The following NOL8 variants were observed in gnomAD, a reference collection of about 807,000 sequenced individuals.
NOL8 encodes nucleolar protein 8.
NOL8 carries 93 observed loss-of-function variants against 116.1 expected under a neutral mutation model. That is an observed-to-expected ratio of 0.80 (90% CI 0.68 to 0.95). The LOEUF is 0.95. Among genes scored for constraint, NOL8 ranks in the 40% least tolerant of loss-of-function variants. The pLI is 0.00. For synonymous variants in NOL8, 419 were observed against 469.0 expected, an observed-to-expected ratio of 0.89 and a Z score of 1.38; for missense variants, 1,291 against 1,382.8, an observed-to-expected ratio of 0.93 and a Z score of 1.05.
At chr9:92,313,537 C>T (rs957049312) in intron 7 of NOL8, among the ~76,000 whole-genome samples, 3 of 152,148 alleles carry the variant, frequency 2.0e-5, no homozygotes, top group African/African-American at 7.2e-5. Context: ...GCTTAAAATT[C>T]TTCACTCTCT....
chr9:92,314,153 GA>G, intron 7 of NOL8, 113 bp downstream of exon 7: 1 of 1,351,458 alleles, frequency 7.4e-7, no homozygotes. Context: ...ACCAAAACAT[GA>G]AACTGGTGAA....
chr9:92,302,226 G>GT (rs1176702086), intron 12 of NOL8, among the ~76,000 whole-genome samples: 2 of 152,164 alleles, frequency 1.3e-5, no homozygotes, highest in Non-Finnish European at 2.9e-5. Flanking sequence ...AATTTTACCA[G>GT]TAACTGGTAA....
chr9:92,324,886 T>C (rs1840320090), intron 1 of NOL8: 1 of 152,196 alleles, frequency 6.6e-6, no homozygotes, highest in Non-Finnish European at 1.5e-5. Flanking sequence ...AGAGGTTAAG[T>C]CACTTCCTCA....
Position 92,300,017 on chromosome 9 carries a change from C to G in NOL8, c.3176-1G>C. 2 of 1,612,306 alleles carry G rather than the reference C, an allele frequency of 1.2e-6. No homozygotes were observed. Among genetic ancestry groups the G allele is most frequent in the Non-Finnish European group, 1.7e-6 (2 of 1,178,948 alleles). ...TTCACTGTTTCAACTCTGTAGGTCT[C>G]TATATCGTTATGACAACAAAAGATG... On this transcript the variant is annotated splice_acceptor_variant, in intron 13 of 16. Coordinates refer to ENST00000442668, the MANE Select transcript of NOL8 (RefSeq NM_017948.6). LOFTEE classifies it high-confidence loss of function.
intron 8 of NOL8, 34 bp downstream of exon 8, chr9:92,311,112 A>C: frequency 2.0e-6 from 3 of 1,496,518 alleles, no homozygotes; most frequent in Non-Finnish European, 2.8e-6. Context: ...GCAGAAGTAG[A>C]TGAATGTCCA....
chr9:92,324,149 T>C lies in NOL8; in HGVS notation c.13A>G (p.Arg5Gly). MKVN[R>G]ETKRLYVGGL... Reference sequence around the variant, plus strand: ...CCCACATAAAGGCGCTTCGTTTCTCTGTTCACTTTCATGAAGGCTGGGCAT... The same window carrying C: ...CCCACATAAAGGCGCTTCGTTTCTCCGTTCACTTTCATGAAGGCTGGGCAT... The change falls in exon 2 of 17, where the codon AGA (arginine) becomes GGA (glycine). Residue 5 changes from arginine (R) to glycine (G), a missense_variant. Physicochemically the swap from Arg to Gly is moderately radical, Grantham distance 125 (BLOSUM62 -2). Transcript: ENST00000442668. 1 of 1,613,746 alleles carries C rather than the reference T, an allele frequency of 6.2e-7. No individual in the cohort carries two copies. Among genetic ancestry groups the C allele is most frequent in the East Asian group, 2.2e-5 (1 of 44,886 alleles).
intron 8 of NOL8, 139 bp downstream of exon 8, chr9:92,311,007 G>A: frequency 1.6e-6 from 1 of 644,598 alleles, no homozygotes; most frequent in East Asian, 2.7e-5. Flanking sequence ...GACCCCTGTA[G>A]TCTCAATATG....
chr9:92,297,647 G>A lies in NOL8; in HGVS notation c.*189C>T, dbSNP rs1837350603. 1 of 554,390 alleles carries A rather than the reference G, an allele frequency of 1.8e-6. No individual in the cohort carries two copies. Among genetic ancestry groups the A allele is most frequent in the South Asian group, 2.5e-5 (1 of 40,008 alleles). The allele number at this position is 554,390 out of a possible 1,614,324, so 34.3% of individuals were successfully genotyped here. On this transcript the variant is annotated 3_prime_UTR_variant, in exon 17 of 17. Coordinates refer to ENST00000442668, the MANE Select transcript of NOL8 (RefSeq NM_017948.6). ...TAAGAAGTTGAATTTAATTTTTGAA[G>A]TAATTACTTAGGAAGAAATGCAGAG... is the stretch of plus-strand genomic sequence containing the variant.
intron 7 of NOL8, among the ~76,000 whole-genome samples, chr9:92,312,446 TAAAAAAAAAAAAAAA>T (rs34116665): frequency 3.5e-5 from 2 of 57,544 alleles, no homozygotes; most frequent in Non-Finnish European, 6.2e-5. Flanking sequence ...TGAGACCCTG[TAAAAAAAAAAAAAAA>T]AAAAAAAAAA....
chr9:92,299,638 G>C (rs1051369018), intron 14 of NOL8, among the ~76,000 whole-genome samples: 1 of 152,010 alleles, frequency 6.6e-6, no homozygotes, highest in East Asian at 1.9e-4. Flanking sequence ...TGTAATCCCA[G>C]CTACTTGGGA....
chr9:92,300,632 C>T, intron 13 of NOL8: 2 of 1,006,468 alleles, frequency 2.0e-6, no homozygotes, highest in Non-Finnish European at 2.4e-6. Flanking sequence ...TTACTATTTA[C>T]ATCATGCCAA....
intron 4 of NOL8, chr9:92,320,285 A>G: frequency 2.3e-6 from 1 of 429,998 alleles, no homozygotes. Flanking sequence ...CATGCTTCTC[A>G]GGCATATCCA....
At chr9:92,318,548 G>C in intron 6 of NOL8, 70 bp downstream of exon 6, 1 of 1,109,360 alleles carries the variant, frequency 9.0e-7, no homozygotes, top group East Asian at 2.5e-5. Flanking sequence ...AAGAGACAGT[G>C]AAATGCTAAA....
chr9:92,310,108 T>A (rs1254254179), intron 10 of NOL8, 63 bp downstream of exon 10: 3 of 1,128,368 alleles, frequency 2.7e-6, no homozygotes, highest in Non-Finnish European at 2.6e-6. Flanking sequence ...AAAGGAGGTA[T>A]ACTAGGTGAT....
intron 6 of NOL8, 118 bp from the exon 7 acceptor site, chr9:92,316,256 T>C: frequency 8.7e-7 from 1 of 1,150,140 alleles, no homozygotes; most frequent in Middle Eastern, 2.0e-4. Context: ...TTCAGTTTCC[T>C]GTAAAAGAAA....
chr9:92,320,165 A>G (rs563810276), intron 4 of NOL8: 26 of 455,952 alleles, frequency 5.7e-5, no homozygotes, highest in Non-Finnish European at 1.1e-4. Context: ...ACCTCTTCTG[A>G]TTCAAATCAC....
Position 92,301,809 on chromosome 9 carries a change from T to C in NOL8, c.2917A>G (p.Lys973Glu), listed in dbSNP as rs1396533079. Residue 973 changes from lysine to glutamate, a missense_variant, in exon 13 of 17, where the codon AAA (lysine) becomes GAA (glutamate). Transcript: ENST00000442668. ...DKPKESKAKR[K>E]KKREEAEKLP... ...TTCTCAGCTTCCTCCCTTTTCTTTT[T>C]TCGTTTTGCTTTACTGAAATGACAT... The C allele has an allele frequency of 3.2e-6, 5 of 1,585,968 alleles. No individual in the cohort carries two copies. Among genetic ancestry groups the C allele is most frequent in the Non-Finnish European group, 4.3e-6 (5 of 1,165,152 alleles).
Position 92,321,725 on chromosome 9 carries a change from G to A in NOL8, c.224C>T (p.Thr75Ile). Reference protein sequence around the residue: ...LKKCMSVLNKTKWKGGTLQIQ... With the variant: ...LKKCMSVLNKIKWKGGTLQIQ... ...TTGTAATGTTCCACCTTTCCATTTTGTTTTATTTAAAACAGACATACCTAT... is the reference window on the plus strand; with the variant it reads ...TTGTAATGTTCCACCTTTCCATTTTATTTTATTTAAAACAGACATACCTAT... Residue 75 changes from threonine (T) to isoleucine (I), a missense_variant, in exon 4 of 17, where the codon ACA (threonine) becomes ATA (isoleucine). Transcript: ENST00000442668. 6.6e-7 allele frequency: 1 copy of A among 1,513,890 alleles called. No individual in the cohort carries two copies. Among genetic ancestry groups the A allele is most frequent in the Non-Finnish European group, 8.9e-7 (1 of 1,126,668 alleles). The allele number at this position is 1,513,890 out of a possible 1,614,324, so 93.8% of individuals were successfully genotyped here.
In NOL8 at chr9:92,297,628, GTTGAA is replaced by G; in HGVS notation, c.*203_*207del. ...CTATCTTGTTCTTCCTTTATAAGAAGTTGAATTTAATTTTTGAAGTAATTACTTAG... is the reference window on the plus strand; with the variant it reads ...CTATCTTGTTCTTCCTTTATAAGAAGTTTAATTTTTGAAGTAATTACTTAG... On this transcript the variant is annotated 3_prime_UTR_variant, in exon 17 of 17. Transcript: ENST00000442668. 1 of 542,258 alleles carries G rather than the reference GTTGAA, an allele frequency of 1.8e-6. No homozygotes were observed. The highest frequency in any genetic ancestry group is 3.3e-6 in the Non-Finnish European group (1 of 306,690). The allele number at this position is 542,258 out of a possible 1,614,324, so 33.6% of individuals were successfully genotyped here.
Sources: allele counts gnomAD v4.1 joint callset (sites outside exome capture counted in the v4.1 genomes callset), GRCh38; gene constraint gnomAD v4.1.1; transcripts MANE v1.5; gene names NCBI Gene and HGNC (gene_info 2026-07-23, HGNC 2026-07-21).